SKI: variants seen among roughly 807,000 people sequenced by gnomAD.
SKI encodes SKI proto-oncogene.
A neutral mutation model predicts 59.3 loss-of-function variants in SKI; 23 were observed. The ratio of observed to expected loss-of-function variants is 0.39; its 90% CI spans 0.28 to 0.55. The LOEUF (loss-of-function observed/expected upper bound fraction) is 0.55. Ranked by LOEUF, SKI falls within the 20% of genes least tolerant of loss-of-function variation. The pLI, the probability that SKI is intolerant of heterozygous loss-of-function variation, is 0.67. For synonymous variants in SKI, 673 were observed against 488.6 expected, an observed-to-expected ratio of 1.38 and a Z score of -4.98; for missense variants, 1,017 against 1,038.9, an observed-to-expected ratio of 0.98 and a Z score of 0.29.
chr1:2,229,301 A>T lies in SKI; in HGVS notation c.535A>T (p.Lys179Ter). 1 of 1,596,428 alleles carries T rather than the reference A, an allele frequency of 6.3e-7. No homozygotes were observed. The highest frequency in any genetic ancestry group is 8.5e-7 in the Non-Finnish European group (1 of 1,172,448). ...GGCGCCCTCGTGCGGGCTCATCACC[A>T]AGACGGACGCCGAGCGCCTGTGCAA... ...FSAPSCGLITKTDAERLCNAL... is the reference protein window; with the variant it reads ...FSAPSCGLIT Residue 179 changes from lysine (K) to a stop codon, truncating the protein, a stop_gained, in exon 1 of 7, where the codon AAG (lysine) becomes TAG (stop). Coordinates refer to ENST00000378536, the MANE Select transcript of SKI (RefSeq NM_003036.4). LOFTEE classifies it high-confidence loss of function. This position sits in a 1 kb window ranked among gnomAD's most constrained non-coding sequence, Gnocchi z 6.3.
chr1:2,247,511 C>G (rs141043739), intron 1 of SKI, among the ~76,000 whole-genome samples: 1 of 152,244 alleles, frequency 6.6e-6, no homozygotes, highest in Admixed American at 6.5e-5. Context: ...AAGCCTGTCA[C>G]GTTCCTCCCT....
chr1:2,302,632 T>G (rs922066247), intron 1 of SKI, among the ~76,000 whole-genome samples: 1 of 152,114 alleles, frequency 6.6e-6, no homozygotes, highest in Non-Finnish European at 1.5e-5. Flanking sequence ...CTGGCCAGGC[T>G]GAGCCGCTGT....
At chr1:2,230,892 C>T (rs1035448858) in intron 1 of SKI, among the ~76,000 whole-genome samples, 1 of 151,744 alleles carries the variant, frequency 6.6e-6, no homozygotes, top group African/African-American at 2.4e-5. Context: ...AGTGTCAGAT[C>T]GTGGGGAGGA....
intron 1 of SKI, among the ~76,000 whole-genome samples, chr1:2,250,732 C>G (rs374504324): frequency 6.6e-6 from 1 of 152,384 alleles, no homozygotes; most frequent in African/African-American, 2.4e-5. Context: ...CCTGGCCACG[C>G]TCTGCCGTGT....
chr1:2,253,971 T>G (rs1639220980), intron 1 of SKI, among the ~76,000 whole-genome samples: 1 of 152,254 alleles, frequency 6.6e-6, no homozygotes, highest in South Asian at 2.1e-4. Context: ...TGGGTCCTTC[T>G]GGATGCCCAT....
chr1:2,304,128 T>TC (rs772644892), intron 4 of SKI, 26 bp downstream of exon 4: 1 of 1,610,280 alleles, frequency 6.2e-7, no homozygotes, highest in South Asian at 1.1e-5. Flanking sequence ...TTTCTGTGCC[T>TC]CCTCCCTGTG....
intron 1 of SKI, among the ~76,000 whole-genome samples, chr1:2,256,660 A>G (rs957382054): frequency 2.6e-5 from 4 of 152,238 alleles, no homozygotes; most frequent in Admixed American, 2.6e-4. Flanking sequence ...GCACCCGTGT[A>G]TGGAGGGCTG....
rs1490780999 is a variant in SKI at position 2,304,105 on chromosome 1, A to T, written c.1474+3A>T. 1 of 1,612,320 alleles carries T rather than the reference A, an allele frequency of 6.2e-7. No homozygotes were observed. Among genetic ancestry groups the T allele is most frequent in the Non-Finnish European group, 8.5e-7 (1 of 1,179,766 alleles). On this transcript the variant is annotated splice_donor_region_variant and intron_variant, in intron 4 of 6. Transcript: ENST00000378536. ...GGAAGTTGAAAGCAGGGAGGAATGT[A>T]CGTGTGAGTCGCTTTCTGTGCCTCC...
chr1:2,303,158 T>C lies in SKI; in HGVS notation c.1095+55T>C. 2 of 1,610,318 alleles carry C rather than the reference T, an allele frequency of 1.2e-6. No homozygotes were observed. Among genetic ancestry groups the C allele is most frequent in the Non-Finnish European group, 1.7e-6 (2 of 1,178,254 alleles). On this transcript the variant is annotated intron_variant, in intron 2 of 6. Transcript: ENST00000378536. The surrounding 1 kb of genome is among the most constrained non-coding windows in gnomAD (Gnocchi z 5.6). ...GTGGTGGGTACTGGGCCCTTCTCCT[T>C]GGGCAGACCCAGCGGCTGGCAGCTC...
chr1:2,246,646 CG>C (rs1392312574), intron 1 of SKI, among the ~76,000 whole-genome samples: 9 of 152,100 alleles, frequency 5.9e-5, no homozygotes, highest in Non-Finnish European at 1.0e-4. Flanking sequence ...GCGAGCTGGG[CG>C]GGGGCTCTGC....
At chr1:2,236,696 C>T (rs1229683040) in intron 1 of SKI, among the ~76,000 whole-genome samples, 3 of 152,218 alleles carry the variant, frequency 2.0e-5, no homozygotes, top group South Asian at 2.1e-4. Context: ...TGAGCCATTG[C>T]GCCTGGCCAT....
chr1:2,276,224 C>T (rs548511153), intron 1 of SKI, among the ~76,000 whole-genome samples: 20 of 151,554 alleles, frequency 1.3e-4, no homozygotes, highest in South Asian at 2.1e-4. Context: ...CCCACTGCAG[C>T]GCCACCTGCC....
At chr1:2,245,333 G>A (rs1237503596) in intron 1 of SKI, among the ~76,000 whole-genome samples, 1 of 152,152 alleles carries the variant, frequency 6.6e-6, no homozygotes, top group East Asian at 1.9e-4. Context: ...TCTGTCAGTG[G>A]ACACACGGGT....
At chr1:2,304,255 C>G in intron 4 of SKI, 38 bp from the exon 5 acceptor site, 2 of 1,551,912 alleles carry the variant, frequency 1.3e-6, no homozygotes, top group Non-Finnish European at 1.7e-6. Flanking sequence ...CTGCCGGGCA[C>G]TTCCATGACT....
At position 2,304,621 on chromosome 1, in the gene SKI, A is replaced by G. The variant is rs554241105; in HGVS notation, c.1767+36A>G. The G allele has an allele frequency of 1.7e-4, 262 of 1,522,374 alleles. 2 individuals carry two copies. The South Asian group carries it at 3.0e-3, about 17-fold the overall frequency. The allele number at this position is 1,522,374 out of a possible 1,614,324, so 94.3% of individuals were successfully genotyped here. A position where few individuals can be genotyped will look rare whatever the true frequency, so the allele number is the denominator to read the frequency against. On this transcript the variant is annotated intron_variant, in intron 5 of 6. Coordinates refer to ENST00000378536, the MANE Select transcript of SKI (RefSeq NM_003036.4). ...CGAGTGGTGCTGGGAGGTCCAGGGC[A>G]CGGGCAGTGAGCACAGCCTGCACCA...
At chr1:2,294,114 C>T (rs1191460008) in intron 1 of SKI, among the ~76,000 whole-genome samples, 1 of 152,116 alleles carries the variant, frequency 6.6e-6, no homozygotes, top group Non-Finnish European at 1.5e-5. Context: ...TCCTGAGAAG[C>T]CGATGTGATA....
rs72927838 is a variant in SKI at position 2,268,864 on chromosome 1, C to T, written c.970-34114C>T. Among the ~76,000 whole-genome samples, 3,927 of 151,798 alleles carry T rather than the reference C, an allele frequency of 0.026. 187 individuals carry two copies. The highest frequency in any genetic ancestry group is 0.089 in the African/African-American group (3,661 of 41,294). On this transcript the variant is annotated intron_variant, in intron 1 of 6. Transcript: ENST00000378536. This position sits in a 1 kb window ranked among gnomAD's most constrained non-coding sequence, Gnocchi z 5.0. Reference sequence around the variant, plus strand: ...TGATTCCTTCTTCCCTCCCTCCCTCCCTTCTGCCTTTCCCCTTTATCCTTT... The same window carrying T: ...TGATTCCTTCTTCCCTCCCTCCCTCTCTTCTGCCTTTCCCCTTTATCCTTT...
chr1:2,309,291 A>AT lies in SKI; in HGVS notation c.*2528dup, dbSNP rs2100933009. 1 of 152,252 alleles carries AT rather than the reference A, an allele frequency of 6.6e-6. No homozygotes were observed. The highest frequency in any genetic ancestry group is 6.5e-5 in the Admixed American group (1 of 15,300). The allele number at this position is 152,252 out of a possible 1,614,324, so 9.4% of individuals were successfully genotyped here. ...GTGTGTGAGGCCCTTCATCTAAGTG[A>AT]TTGTGTATTCAGTTTAATTCTCATT... On this transcript the variant is annotated 3_prime_UTR_variant, in exon 7 of 7. Coordinates refer to ENST00000378536, the MANE Select transcript of SKI (RefSeq NM_003036.4).
At chr1:2,287,736 A>G (rs112295693) in intron 1 of SKI, among the ~76,000 whole-genome samples, 4 of 152,206 alleles carry the variant, frequency 2.6e-5, no homozygotes, top group African/African-American at 4.8e-5. Flanking sequence ...TCCCCCTAGA[A>G]GGACAGGGCT....
Sources: allele counts gnomAD v4.1 joint callset (sites outside exome capture counted in the v4.1 genomes callset), GRCh38; gene constraint gnomAD v4.1.1; non-coding constraint Gnocchi (gnomAD v3.1); transcripts MANE v1.5; gene names NCBI Gene and HGNC (gene_info 2026-07-23, HGNC 2026-07-21).